Variants in EXOC6B observed in about 807,000 individuals in gnomAD.
EXOC6B encodes SEC15 homolog B.
A neutral mutation model predicts 113.5 loss-of-function variants in EXOC6B; 54 were observed. The ratio of observed to expected loss-of-function variants is 0.48; its 90% CI spans 0.38 to 0.60. The LOEUF is 0.60. Among genes scored for constraint, EXOC6B ranks in the 20% least tolerant of loss-of-function variants. EXOC6B has a pLI of 0.00. For missense variants in EXOC6B, 797 were observed against 977.5 expected (o/e 0.82, Z 2.46); for synonymous variants, 357 against 339.0 (o/e 1.05, Z -0.58).
intron 2 of EXOC6B, among the ~76,000 whole-genome samples, chr2:72,735,529 T>A (rs781762587): frequency 1.3e-5 from 2 of 152,154 alleles, no homozygotes; most frequent in African/African-American, 4.8e-5. Flanking sequence ...AGATAATAAC[T>A]GTGGGCTAGG....
At chr2:72,561,267 G>A (rs572177346) in intron 7 of EXOC6B, among the ~76,000 whole-genome samples, 1 of 151,970 alleles carries the variant, frequency 6.6e-6, no homozygotes, top group Admixed American at 6.5e-5. Flanking sequence ...ATTCACAATA[G>A]TATTTAAACT....
intron 20 of EXOC6B, among the ~76,000 whole-genome samples, chr2:72,320,088 G>C (rs1310942499): frequency 1.3e-5 from 2 of 151,598 alleles, no homozygotes; most frequent in Admixed American, 1.3e-4. Flanking sequence ...ATCCACCTCA[G>C]CCTCCCAAAG....
chr2:72,779,791 G>A (rs1683920043), intron 1 of EXOC6B, among the ~76,000 whole-genome samples: 1 of 152,162 alleles, frequency 6.6e-6, no homozygotes, highest in Non-Finnish European at 1.5e-5. Context: ...ACAAAAAAAA[G>A]AAAGTCCTTT....
At chr2:72,184,602 A>G (rs1255776694) in intron 20 of EXOC6B, among the ~76,000 whole-genome samples, 1 of 152,256 alleles carries the variant, frequency 6.6e-6, no homozygotes, top group African/African-American at 2.4e-5. Flanking sequence ...AGGTGGATGT[A>G]GTCCAGTGCC....
intron 18 of EXOC6B, among the ~76,000 whole-genome samples, chr2:72,398,257 A>T (rs1196149148): frequency 1.3e-5 from 2 of 152,186 alleles, no homozygotes; most frequent in Non-Finnish European, 2.9e-5. Context: ...CTTTGGACCC[A>T]ACTAAAGCAT....
chr2:72,263,621 G>T (rs1417425410), intron 20 of EXOC6B, among the ~76,000 whole-genome samples: 1 of 152,148 alleles, frequency 6.6e-6, no homozygotes, highest in Non-Finnish European at 1.5e-5. Flanking sequence ...TCCCAAAGGG[G>T]TTGGAAGGAG....
At chr2:72,767,994 G>A (rs1351995491) in intron 1 of EXOC6B, among the ~76,000 whole-genome samples, 1 of 150,060 alleles carries the variant, frequency 6.7e-6, no homozygotes, top group African/African-American at 2.4e-5. Context: ...TCATGGGCCT[G>A]TAATCCCAGC....
chr2:72,734,041 G>T (rs1013769693), intron 2 of EXOC6B, among the ~76,000 whole-genome samples: 1 of 152,024 alleles, frequency 6.6e-6, no homozygotes, highest in African/African-American at 2.4e-5. Context: ...AAATACACAC[G>T]ATATGATATG....
At chr2:72,349,542 C>T (rs903892860) in intron 19 of EXOC6B, among the ~76,000 whole-genome samples, 6 of 152,042 alleles carry the variant, frequency 3.9e-5, no homozygotes, top group Non-Finnish European at 5.9e-5. Context: ...GCAATAAAAC[C>T]CCATATAAAA....
chr2:72,432,479 T>G (rs1695597844), intron 18 of EXOC6B, among the ~76,000 whole-genome samples: 1 of 152,216 alleles, frequency 6.6e-6, no homozygotes, highest in South Asian at 2.1e-4. Context: ...TTTCTAGTTC[T>G]AGATCCTTGA....
Position 72,279,420 on chromosome 2 carries a change from C to T in EXOC6B, c.2196+55527G>A, listed in dbSNP as rs144591427. Among the ~76,000 whole-genome samples the T allele has an allele frequency of 4.8e-3, 730 of 152,206 alleles. 8 individuals are homozygous for T. Among genetic ancestry groups the T allele is most frequent in the African/African-American group, 0.016 (672 of 41,538 alleles). On this transcript the variant is annotated intron_variant, in intron 20 of 21. Coordinates refer to ENST00000272427, the MANE Select transcript of EXOC6B (RefSeq NM_015189.3). The stretch of plus-strand genomic sequence containing the variant: ...GATCAGATGGATTTGGAAATTTGGA[C>T]CTTGATGCACACAAAAATTGTATAA...
chr2:72,389,299 C>T (rs1692228925), intron 18 of EXOC6B, among the ~76,000 whole-genome samples: 2 of 151,934 alleles, frequency 1.3e-5, no homozygotes, highest in East Asian at 3.9e-4. Flanking sequence ...AATTATATTA[C>T]ACAATTCCAT....
chr2:72,257,820 C>T (rs1443467208), intron 20 of EXOC6B, among the ~76,000 whole-genome samples: 3 of 152,092 alleles, frequency 2.0e-5, no homozygotes, highest in African/African-American at 2.4e-5. Flanking sequence ...TGGGACAGTA[C>T]GAGGTTGATG....
At chr2:72,763,928 A>G (rs1442427718) in intron 1 of EXOC6B, among the ~76,000 whole-genome samples, 2 of 151,814 alleles carry the variant, frequency 1.3e-5, no homozygotes, top group Non-Finnish European at 2.9e-5. Flanking sequence ...AAAAAATACA[A>G]AAATTAGCCG....
intron 1 of EXOC6B, among the ~76,000 whole-genome samples, chr2:72,767,807 T>TCAAAAAAAAAAAA (rs1683160619): frequency 1.6e-4 from 1 of 6,086 alleles, no homozygotes; most frequent in African/African-American, 6.1e-4. Flanking sequence ...AGAGACCTTG[T>TCAAAAAAAAAAAA]TAAAAAAAAA....
chr2:72,534,335 G>A (rs1354047906), intron 8 of EXOC6B, among the ~76,000 whole-genome samples: 6 of 152,034 alleles, frequency 3.9e-5, no homozygotes, highest in Non-Finnish European at 5.9e-5. Context: ...ACATCCTCAG[G>A]GCGTGCCATG....
chr2:72,352,087 A>G (rs950797519), intron 19 of EXOC6B, among the ~76,000 whole-genome samples: 3 of 152,156 alleles, frequency 2.0e-5, no homozygotes, highest in South Asian at 2.1e-4. Context: ...ATCTAGTCCA[A>G]TTGGGGATTT....
chr2:72,259,868 T>C (rs977378702), intron 20 of EXOC6B, among the ~76,000 whole-genome samples: 1 of 151,894 alleles, frequency 6.6e-6, no homozygotes, highest in African/African-American at 2.4e-5. Flanking sequence ...CTGGGCAACA[T>C]GGAGAAACCC....
chr2:72,784,956 A>G (rs1684284928), intron 1 of EXOC6B, among the ~76,000 whole-genome samples: 1 of 152,336 alleles, frequency 6.6e-6, no homozygotes, highest in Non-Finnish European at 1.5e-5. Flanking sequence ...AGCCTGTAAA[A>G]TCAAAAGCAA....
Sources: allele counts gnomAD v4.1 joint callset (sites outside exome capture counted in the v4.1 genomes callset), GRCh38; gene constraint gnomAD v4.1.1; transcripts MANE v1.5; gene names NCBI Gene and HGNC (gene_info 2026-07-23, HGNC 2026-07-21).